Variants in SPNS2 observed in about 807,000 individuals in gnomAD.
SPNS2 encodes sphingosine-1-phosphate transporter SPNS2.
SPNS2 carries 37 observed loss-of-function variants against 57.6 expected under a neutral mutation model. The observed-to-expected ratio is 0.64, with a 90% CI of 0.49 to 0.85. SPNS2 has a LOEUF of 0.85. Ranked by LOEUF, SPNS2 falls within the 40% of genes least tolerant of loss-of-function variation. The probability of loss-of-function intolerance (pLI) is 0.00; values close to 1 mark genes in which losing one functional copy is unlikely to be tolerated. For missense variants in SPNS2, 831 were observed against 779.1 expected (o/e 1.07, Z -0.79); for synonymous variants, 440 against 346.9 (o/e 1.27, Z -2.98).
At chr17:4,536,734 T>C (rs750342997) in intron 11 of SPNS2, 166 bp from the exon 12 acceptor site, 10 of 666,974 alleles carry the variant, frequency 1.5e-5, no homozygotes, top group Admixed American at 2.6e-5. Flanking sequence ...TACTCCTCTC[T>C]CTCTCCTCTC....
intron 11 of SPNS2, chr17:4,536,630 ATCCAGACTTGGGTTTGTC>A (rs1046040746): frequency 4.2e-6 from 3 of 714,038 alleles, no homozygotes; most frequent in African/African-American, 1.8e-5. Context: ...TGTCTGGTGG[ATCCAGACTTGGGTTTGTC>A]TCTGGACTTA....
intron 2 of SPNS2, among the ~76,000 whole-genome samples, chr17:4,518,543 CA>C (rs536348665): frequency 1.5e-4 from 23 of 152,210 alleles, no homozygotes; most frequent in African/African-American, 3.6e-4. Context: ...CAAAAACAAA[CA>C]AACAAAAAAG....
rs1483220770 is a variant in SPNS2 at position 4,510,202 on chromosome 17, C to A, written c.371-3045C>A. On this transcript the variant is annotated intron_variant, in intron 1 of 12. Transcript: ENST00000329078. This position sits in a 1 kb window ranked among gnomAD's most constrained non-coding sequence, Gnocchi z 4.4. ...AGCCCAGGTCCGACCTTGGGCCTCG[C>A]AGCCTGCAGGAAGCCCTGCTCCCTG... 6.6e-6 allele frequency among the ~76,000 whole-genome samples: 1 copy of A among 152,260 alleles called. No homozygotes were observed. The highest frequency in any genetic ancestry group is 2.4e-5 in the African/African-American group (1 of 41,482).
rs778698545 is a variant in SPNS2 at position 4,499,413 on chromosome 17, G to A, written c.366G>A (p.Val122=). Residue 122 remains valine (V), a synonymous_variant, in exon 1 of 13, where the codon GTG becomes GTA. Coordinates refer to ENST00000329078, the MANE Select transcript of SPNS2 (RefSeq NM_001124758.3). This position sits in a 1 kb window ranked among gnomAD's most constrained non-coding sequence, Gnocchi z 5.2. ...TCAACTACCTGGACAGGTACACCGT[G>A]GCAGGTGAGCGAGTGCCCCACCCAG... ...NVLNYLDRYT[V]AGVLLDIQQH... is the part of the protein sequence containing the mutation. 1.5e-6 allele frequency: 2 copies of A among 1,332,632 alleles called. No individual in the cohort carries two copies. Among genetic ancestry groups the A allele is most frequent in the South Asian group, 3.7e-5 (2 of 54,432 alleles). The allele number at this position is 1,332,632 out of a possible 1,614,324, so 82.6% of individuals were successfully genotyped here.
intron 2 of SPNS2, among the ~76,000 whole-genome samples, chr17:4,523,506 G>A (rs1296178184): frequency 6.6e-5 from 10 of 151,728 alleles, no homozygotes; most frequent in Admixed American, 3.3e-4. Flanking sequence ...GGTGGCTCAC[G>A]CCTGTAGTCC....
intron 2 of SPNS2, among the ~76,000 whole-genome samples, chr17:4,518,637 T>C (rs74633503): frequency 0.015 from 2,322 of 152,264 alleles, 62 homozygotes; most frequent in African/African-American, 0.053. Context: ...GGGCCGGGGT[T>C]TGTAGGCTCA....
At position 4,513,288 on chromosome 17, in the gene SPNS2, C is replaced by T; in HGVS notation, c.412C>T (p.Arg138Ter). The change falls in exon 2 of 13, where the codon CGA becomes TGA. Residue 138 changes from arginine to a stop codon, truncating the protein, a stop_gained. Transcript: ENST00000329078. LOFTEE classifies it high-confidence loss of function. ...CCAGCAGCACTTTGGGGTCAAGGAC[C>T]GAGGCGCCGGCCTGCTGCAGTCAGG... ...DIQQHFGVKD[R>*]GAGLLQSVFI... 1.9e-6 allele frequency: 3 copies of T among 1,614,006 alleles called. No individual in the cohort carries two copies. The highest frequency in any genetic ancestry group is 2.5e-6 in the Non-Finnish European group (3 of 1,179,880).
Position 4,513,800 on chromosome 17 carries a change from C to T in SPNS2, c.436+488C>T, listed in dbSNP as rs569077362. 8.5e-5 allele frequency among the ~76,000 whole-genome samples: 13 copies of T among 152,344 alleles called. No homozygotes were observed. The East Asian group carries it at 1.9e-3, about 23-fold the overall frequency. Reference sequence around the variant, plus strand: ...AAGCAAAAAACTCCAGCTAGTCAGCCCCAGAGCGGTTCCCAAGCCCGGGGC... The same window carrying T: ...AAGCAAAAAACTCCAGCTAGTCAGCTCCAGAGCGGTTCCCAAGCCCGGGGC... On this transcript the variant is annotated intron_variant, in intron 2 of 12. Coordinates refer to ENST00000329078, the MANE Select transcript of SPNS2 (RefSeq NM_001124758.3).
chr17:4,536,142 G>A lies in SPNS2; in HGVS notation c.1411G>A (p.Gly471Arg). The change falls in exon 10 of 13, where the codon GGG becomes AGG. Residue 471 changes from glycine (G) to arginine (R), a missense_variant. Coordinates refer to ENST00000329078, the MANE Select transcript of SPNS2 (RefSeq NM_001124758.3). ...ALQSFTSHLLGDAGSPYLIGF... is the reference protein window; with the variant it reads ...ALQSFTSHLLRDAGSPYLIGF... ...GCAGAGCTTCACCTCCCACCTGCTG[G>A]GGGACGCCGGGAGCCCCTACCTCAT... The A allele has an allele frequency of 1.2e-6, 2 of 1,612,614 alleles. No individual in the cohort carries two copies. Among genetic ancestry groups the A allele is most frequent in the Non-Finnish European group, 1.7e-6 (2 of 1,179,866 alleles).
At chr17:4,525,665 C>T (rs917995568) in intron 3 of SPNS2, among the ~76,000 whole-genome samples, 27 of 152,378 alleles carry the variant, frequency 1.8e-4, no homozygotes, top group African/African-American at 5.3e-4. Context: ...CAAGAGTCTT[C>T]TCATTTAGCT....
chr17:4,517,533 G>C (rs530683630), intron 2 of SPNS2, among the ~76,000 whole-genome samples: 1 of 152,184 alleles, frequency 6.6e-6, no homozygotes, highest in Non-Finnish European at 1.5e-5. Flanking sequence ...GTGGGCGCCT[G>C]TAATCTCAGC....
At chr17:4,501,005 T>TA (rs1403909900) in intron 1 of SPNS2, among the ~76,000 whole-genome samples, 1 of 152,148 alleles carries the variant, frequency 6.6e-6, no homozygotes, top group Non-Finnish European at 1.5e-5. Flanking sequence ...CCTGGGAGCA[T>TA]AAGCGCCATC....
At position 4,536,437 on chromosome 17, in the gene SPNS2, G is replaced by GT; in HGVS notation, c.1607+11_1607+12insT. 6.4e-7 allele frequency: 1 copy of GT among 1,557,462 alleles called. No individual in the cohort carries two copies. On this transcript the variant is annotated intron_variant, in intron 11 of 12. Coordinates refer to ENST00000329078, the MANE Select transcript of SPNS2 (RefSeq NM_001124758.3). ...CAGGGCTGAGCAGCAGTGAGTGGGGGGGAGGGGAGGCCCTGCTGCACCGCC... is the reference window on the plus strand; with the variant it reads ...CAGGGCTGAGCAGCAGTGAGTGGGGGTGGAGGGGAGGCCCTGCTGCACCGCC...
At chr17:4,520,491 G>A (rs1458708555) in intron 2 of SPNS2, among the ~76,000 whole-genome samples, 2 of 152,062 alleles carry the variant, frequency 1.3e-5, no homozygotes, top group Admixed American at 1.3e-4. Flanking sequence ...GGTGTTGGGG[G>A]GCGGGGTGGA....
intron 2 of SPNS2, among the ~76,000 whole-genome samples, chr17:4,516,859 G>A (rs1484517894): frequency 2.0e-5 from 3 of 152,250 alleles, no homozygotes; most frequent in Non-Finnish European, 4.4e-5. Context: ...GAAGCCAAGT[G>A]ATGCAGAGTG....
chr17:4,499,129 C>A lies in SPNS2; in HGVS notation c.82C>A (p.Arg28=). 8.7e-7 allele frequency: 1 copy of A among 1,145,720 alleles called. No individual in the cohort carries two copies. The highest frequency in any genetic ancestry group is 1.1e-6 in the Non-Finnish European group (1 of 932,698). The allele number at this position is 1,145,720 out of a possible 1,614,324, so 71.0% of individuals were successfully genotyped here. A position where few individuals can be genotyped will look rare whatever the true frequency, so the allele number is the denominator to read the frequency against. Residue 28 remains arginine, a synonymous_variant, in exon 1 of 13, where the codon CGG becomes AGG. Transcript: ENST00000329078. This position sits in a 1 kb window ranked among gnomAD's most constrained non-coding sequence, Gnocchi z 5.2. ...EADAERRRRR[R]GAQRGAGGSG... is the part of the protein sequence containing the mutation. The stretch of plus-strand genomic sequence containing the variant: ...GGACGCGGAGCGGCGGCGCCGGCGC[C>A]GGGGGGCGCAGCGAGGGGCTGGCGG...
intron 3 of SPNS2, among the ~76,000 whole-genome samples, chr17:4,526,004 G>A (rs995229056): frequency 6.6e-5 from 10 of 152,230 alleles, no homozygotes; most frequent in South Asian, 2.1e-4. Context: ...GGAAGAAGGG[G>A]AGAGCATGAT....
intron 3 of SPNS2, among the ~76,000 whole-genome samples, chr17:4,527,222 G>C (rs1366663423): frequency 1.3e-5 from 2 of 152,232 alleles, no homozygotes; most frequent in Non-Finnish European, 2.9e-5. Flanking sequence ...ATTTGGCAGA[G>C]AAAATGCCCA....
chr17:4,499,738 C>T lies in SPNS2; in HGVS notation c.370+321C>T. The T allele has an allele frequency of 4.2e-6, 1 of 238,806 alleles. No homozygotes were observed. The highest frequency in any genetic ancestry group is 8.1e-6 in the Non-Finnish European group (1 of 123,670). 14.8% of individuals were successfully genotyped at this position (238,806 alleles called of 1,614,324 possible). A position where few individuals can be genotyped will look rare whatever the true frequency, so the allele number is the denominator to read the frequency against. ...CTCCAAGAGTCTCCTCTGCGTCTCT[C>T]TGTCTCCTTGTCTCTGCGCCCCCTC... On this transcript the variant is annotated intron_variant, in intron 1 of 12. Coordinates refer to ENST00000329078, the MANE Select transcript of SPNS2 (RefSeq NM_001124758.3). The surrounding 1 kb of genome is among the most constrained non-coding windows in gnomAD (Gnocchi z 5.2).
Sources: gnomAD v4.1 joint callset for allele counts (sites outside exome capture counted in the v4.1 genomes callset) on GRCh38, gnomAD v4.1.1 for gene constraint, Gnocchi (gnomAD v3.1) non-coding constraint, MANE v1.5 for transcripts, NCBI Gene and HGNC (gene_info 2026-07-23, HGNC 2026-07-21) for gene names.